Variants in EYA2 observed in about 807,000 individuals in gnomAD.
EYA2 encodes protein phosphatase EYA2.
In EYA2, 31 loss-of-function variants were observed where a neutral mutation model predicts 69.2. The observed-to-expected ratio is 0.45, with a 90% CI of 0.34 to 0.60. EYA2 has a LOEUF of 0.60. Ranked by LOEUF, EYA2 falls within the 20% of genes least tolerant of loss-of-function variation. EYA2 has a pLI of 0.02. For missense variants in EYA2, 622 were observed against 701.2 expected, an observed-to-expected ratio of 0.89 and a Z score of 1.28; for synonymous variants, 257 against 279.4, an observed-to-expected ratio of 0.92 and a Z score of 0.80.
chr20:46,905,274 A>G (rs1331464835), intron 1 of EYA2, among the ~76,000 whole-genome samples: 1 of 152,146 alleles, frequency 6.6e-6, no homozygotes, highest in Non-Finnish European at 1.5e-5. Context: ...GTGACTGCCC[A>G]GCGGCATTCC....
intron 5 of EYA2, among the ~76,000 whole-genome samples, chr20:47,031,888 A>C (rs1209430808): frequency 1.3e-5 from 2 of 152,184 alleles, no homozygotes; most frequent in Non-Finnish European, 2.9e-5. Context: ...AACCAGTACA[A>C]ACACACAAAA....
chr20:47,001,387 T>G lies in EYA2; in HGVS notation c.110-41T>G, dbSNP rs373191227. 5.6e-6 allele frequency: 9 copies of G among 1,593,920 alleles called. No homozygotes were observed. The African/African-American group carries it at 1.2e-4, about 21-fold the overall frequency. ...TCACCACCTCTGCAGAACATCACCC[T>G]AATCGCTAAAACTCTTCCAATTTTT... On this transcript the variant is annotated intron_variant, in intron 2 of 15. Transcript: ENST00000327619.
chr20:46,968,133 A>G (rs1391922832), intron 1 of EYA2, among the ~76,000 whole-genome samples: 3 of 152,154 alleles, frequency 2.0e-5, no homozygotes, highest in African/African-American at 7.2e-5. Flanking sequence ...GGCCATGTCC[A>G]GTTGTGTTTC....
chr20:46,929,999 G>C (rs1170855661), intron 1 of EYA2, among the ~76,000 whole-genome samples: 3 of 152,184 alleles, frequency 2.0e-5, no homozygotes, highest in African/African-American at 7.2e-5. Context: ...CTAAGATTTT[G>C]TGATTCTAGG....
At chr20:46,943,027 A>G (rs1986219690) in intron 1 of EYA2, among the ~76,000 whole-genome samples, 2 of 152,164 alleles carry the variant, frequency 1.3e-5, no homozygotes, top group African/African-American at 2.4e-5. Flanking sequence ...CGGCCTCCCA[A>G]AGTGCTGGGA....
At position 47,004,993 on chromosome 20, in the gene EYA2, C is replaced by T. The variant is rs765422453; in HGVS notation, c.207C>T (p.Tyr69=). ...AGCCTTCCACAGCCATGGCAGCCTA[C>T]GGCCAGACGCAGTACAGTGCGGGGA... ...PRQPSTAMAA[Y]GQTQYSAGIQ... is the part of the protein sequence containing the mutation. The change falls in exon 4 of 16, where the codon TAC becomes TAT. Residue 69 remains tyrosine (Y), a synonymous_variant. Transcript: ENST00000327619. 1.4e-5 allele frequency: 22 copies of T among 1,614,000 alleles called. No individual in the cohort carries two copies. The South Asian group carries it at 1.8e-4, about 13-fold the overall frequency.
rs77883052 is a variant in EYA2, at chr20:46,907,542, T to A, written c.-11+12555T>A. 2.6e-5 allele frequency among the ~76,000 whole-genome samples: 4 copies of A among 152,108 alleles called. No individual in the cohort carries two copies. In the East Asian group the frequency reaches 7.7e-4, roughly 29 times the overall value. ...TGGGTCAGAGGTGGAGAGGAACACA[T>A]AAAAACAAGCGTGAGGCCAGGCGCA... On this transcript the variant is annotated intron_variant, in intron 1 of 15. Coordinates refer to ENST00000327619, the MANE Select transcript of EYA2 (RefSeq NM_005244.5).
intron 12 of EYA2, among the ~76,000 whole-genome samples, chr20:47,176,861 G>A (rs1263527404): frequency 2.0e-5 from 3 of 151,098 alleles, no homozygotes; most frequent in Admixed American, 6.6e-5. Flanking sequence ...GCACAATCTC[G>A]GCTCACTGCA....
intron 5 of EYA2, among the ~76,000 whole-genome samples, chr20:47,069,476 C>T (rs1022260897): frequency 4.6e-5 from 7 of 151,910 alleles, no homozygotes; most frequent in South Asian, 2.1e-4. Context: ...GTGAGAAGAG[C>T]GAGATTCTGT....
intron 1 of EYA2, among the ~76,000 whole-genome samples, chr20:46,941,240 C>G (rs1484679820): frequency 6.6e-6 from 1 of 152,246 alleles, no homozygotes; most frequent in Non-Finnish European, 1.5e-5. Context: ...CCTATCACAT[C>G]TCTCCTCTGT....
At chr20:47,071,631 G>A (rs555384482) in intron 5 of EYA2, among the ~76,000 whole-genome samples, 94 of 152,236 alleles carry the variant, frequency 6.2e-4, no homozygotes, top group Non-Finnish European at 9.4e-4. Flanking sequence ...ACCAGGATCT[G>A]GGTAGTGGGC....
At chr20:47,077,627 T>C (rs1176864427) in intron 7 of EYA2, among the ~76,000 whole-genome samples, 1 of 152,190 alleles carries the variant, frequency 6.6e-6, no homozygotes, top group Non-Finnish European at 1.5e-5. Context: ...TTTCCATCAC[T>C]GGGAATGAGT....
chr20:46,913,587 CAGGG>C (rs74176888), intron 1 of EYA2, among the ~76,000 whole-genome samples: 68,155 of 151,572 alleles, frequency 0.45, 16,227 homozygotes, highest in South Asian at 0.55. Flanking sequence ...ACTGTTCAGA[CAGGG>C]AGGTGACGGT....
chr20:47,048,610 C>T (rs533719402), intron 5 of EYA2, among the ~76,000 whole-genome samples: 1 of 152,102 alleles, frequency 6.6e-6, no homozygotes, highest in East Asian at 1.9e-4. Context: ...GTGGCATGCA[C>T]CTTTTAATCA....
chr20:47,131,156 C>A (rs975529288), intron 9 of EYA2, among the ~76,000 whole-genome samples: 1 of 152,172 alleles, frequency 6.6e-6, no homozygotes, highest in Non-Finnish European at 1.5e-5. Flanking sequence ...AGGCTCAGAT[C>A]ATTAGAAACA....
At chr20:47,125,886 T>G (rs914454268) in intron 9 of EYA2, among the ~76,000 whole-genome samples, 7 of 152,036 alleles carry the variant, frequency 4.6e-5, no homozygotes, top group African/African-American at 1.4e-4. Context: ...TTGTGTGTGT[T>G]TTTTTTTCTT....
intron 9 of EYA2, among the ~76,000 whole-genome samples, chr20:47,122,289 G>GTTTTTTTTTTTTT (rs1180670988): frequency 9.0e-6 from 1 of 110,852 alleles, no homozygotes; most frequent in Non-Finnish European, 1.8e-5. Context: ...TATTTTCTTG[G>GTTTTTTTTTTTTT]TTTTTTTTTT....
chr20:47,070,044 A>G (rs1285803693), intron 5 of EYA2, among the ~76,000 whole-genome samples: 1 of 152,178 alleles, frequency 6.6e-6, no homozygotes, highest in Non-Finnish European at 1.5e-5. Flanking sequence ...AAAGAAAAAA[A>G]TCAACAACCT....
chr20:47,005,746 G>A (rs1307589742), intron 4 of EYA2, among the ~76,000 whole-genome samples: 31 of 152,230 alleles, frequency 2.0e-4, no homozygotes, highest in Non-Finnish European at 8.8e-5. Flanking sequence ...GGAGGACGGG[G>A]CAGAAACAAC....
Sources: allele counts gnomAD v4.1 joint callset (sites outside exome capture counted in the v4.1 genomes callset), GRCh38; gene constraint gnomAD v4.1.1; transcripts MANE v1.5; gene names NCBI Gene and HGNC (gene_info 2026-07-23, HGNC 2026-07-21).